SLC24A4: variants seen among roughly 807,000 people sequenced by gnomAD.
SLC24A4 encodes sodium/potassium/calcium exchanger 4.
Under a neutral mutation model 79.0 loss-of-function variants are expected in SLC24A4, and 53 were observed. The ratio of observed to expected loss-of-function variants is 0.67; its 90% CI spans 0.54 to 0.84. The LOEUF (loss-of-function observed/expected upper bound fraction) is 0.84. Ranked by LOEUF, SLC24A4 falls within the 40% of genes least tolerant of loss-of-function variation. The pLI is 0.00. For missense variants in SLC24A4, 731 were observed against 822.0 expected, an observed-to-expected ratio of 0.89 and a Z score of 1.35; for synonymous variants, 323 against 323.8, an observed-to-expected ratio of 1.00 and a Z score of 0.03.
chr14:92,382,991 A>G (rs1423430679), intron 2 of SLC24A4, among the ~76,000 whole-genome samples: 1 of 152,186 alleles, frequency 6.6e-6, no homozygotes, highest in African/African-American at 2.4e-5. Context: ...TTGGCTAGCT[A>G]GTATCTCTCA....
chr14:92,342,891 G>A (rs1886248216), intron 2 of SLC24A4, among the ~76,000 whole-genome samples: 2 of 152,212 alleles, frequency 1.3e-5, no homozygotes, highest in South Asian at 4.1e-4. Flanking sequence ...GTAAAAATCT[G>A]TCATAAAGAG....
intron 2 of SLC24A4, among the ~76,000 whole-genome samples, chr14:92,351,902 G>GAAGGA (rs1290664300): frequency 2.4e-4 from 31 of 131,242 alleles, no homozygotes; most frequent in South Asian, 5.6e-4. Context: ...GGAAGGAAAG[G>GAAGGA]AAGGAAGGAA....
In SLC24A4 at chr14:92,373,171, T is replaced by TACACACAC. The variant is rs66513416; in HGVS notation, c.241+47208_241+47215dup. Reference sequence around the variant, plus strand: ...CCCACCACCATGCCCAGCTAATTTATACACACACACACACACACACACGCA... The same window carrying TACACACAC: ...CCCACCACCATGCCCAGCTAATTTATACACACACACACACACACACACACACACACGCA... On this transcript the variant is annotated intron_variant, in intron 2 of 16. Coordinates refer to ENST00000532405, the MANE Select transcript of SLC24A4 (RefSeq NM_153646.4). Among the ~76,000 whole-genome samples the TACACACAC allele has an allele frequency of 3.8e-3, 539 of 143,074 alleles. 1 individual carries two copies. The highest frequency in any genetic ancestry group is 6.9e-3 in the Middle Eastern group (2 of 288). 93.9% of individuals were successfully genotyped at this position (143,074 alleles called of 152,430 possible).
chr14:92,392,868 G>C (rs1311851683), intron 2 of SLC24A4, among the ~76,000 whole-genome samples: 1 of 152,174 alleles, frequency 6.6e-6, no homozygotes, highest in Non-Finnish European at 1.5e-5. Context: ...CGCCATCTAT[G>C]AGGAACACCT....
chr14:92,331,827 T>C (rs984051148), intron 2 of SLC24A4, among the ~76,000 whole-genome samples: 1 of 152,214 alleles, frequency 6.6e-6, no homozygotes, highest in Non-Finnish European at 1.5e-5. Context: ...CCTCTCAATG[T>C]GAAGATCATG....
intron 2 of SLC24A4, among the ~76,000 whole-genome samples, chr14:92,414,268 C>T (rs943348255): frequency 1.3e-5 from 2 of 152,134 alleles, no homozygotes; most frequent in African/African-American, 2.4e-5. Context: ...GCACCCCTCC[C>T]CCGGTTGTGA....
At chr14:92,389,749 T>C (rs1889363502) in intron 2 of SLC24A4, among the ~76,000 whole-genome samples, 1 of 152,210 alleles carries the variant, frequency 6.6e-6, no homozygotes, top group African/African-American at 2.4e-5. Context: ...CCACCCTTTC[T>C]GTCTCCCCAG....
intron 2 of SLC24A4, among the ~76,000 whole-genome samples, chr14:92,368,278 C>T (rs1468807868): frequency 1.3e-5 from 2 of 152,230 alleles, no homozygotes; most frequent in Non-Finnish European, 2.9e-5. Context: ...AAAAAATCAT[C>T]ACAGCTACGT....
chr14:92,477,121 G>A (rs1356296420), intron 12 of SLC24A4, among the ~76,000 whole-genome samples: 2 of 152,162 alleles, frequency 1.3e-5, no homozygotes, highest in Admixed American at 1.3e-4. Context: ...GTTTTCCAAA[G>A]CAGGTGTACC....
intron 2 of SLC24A4, among the ~76,000 whole-genome samples, chr14:92,373,319 C>A (rs146580115): frequency 1.6e-3 from 242 of 152,262 alleles, no homozygotes; most frequent in African/African-American, 5.5e-3. Flanking sequence ...GCTGGGATTA[C>A]AGGCGTGAGC....
chr14:92,415,078 G>A (rs1030345479), intron 2 of SLC24A4, among the ~76,000 whole-genome samples: 1 of 152,182 alleles, frequency 6.6e-6, no homozygotes, highest in Non-Finnish European at 1.5e-5. Flanking sequence ...GGTTCACCTC[G>A]TGCTGGCAGG....
In SLC24A4 at chr14:92,340,788, CAT is replaced by C. The variant is rs1886098291; in HGVS notation, c.241+14811_241+14812del. Reference sequence around the variant, plus strand: ...TGCGCTCCCTCCACACATGGCCTCACATGTCAGGACACCCAGTTTATTACATT... The same window carrying C: ...TGCGCTCCCTCCACACATGGCCTCACGTCAGGACACCCAGTTTATTACATT... On this transcript the variant is annotated intron_variant, in intron 2 of 16. Transcript: ENST00000532405. Among the ~76,000 whole-genome samples, 7 of 152,278 alleles carry C rather than the reference CAT, an allele frequency of 4.6e-5. No individual in the cohort carries two copies. The South Asian group carries it at 1.5e-3, about 32-fold the overall frequency.
chr14:92,469,726 G>T (rs12882202), intron 12 of SLC24A4, among the ~76,000 whole-genome samples: 102,528 of 152,042 alleles, frequency 0.67, 35,692 homozygotes, highest in Non-Finnish European at 0.76. Flanking sequence ...TAGAATATTA[G>T]TCAGCCCTAA....
intron 2 of SLC24A4, among the ~76,000 whole-genome samples, chr14:92,383,524 G>C (rs1888968544): frequency 6.6e-6 from 1 of 152,164 alleles, no homozygotes; most frequent in Non-Finnish European, 1.5e-5. Context: ...AATATTGCCT[G>C]TCTGCACACC....
At chr14:92,428,578 C>T (rs1891693275) in intron 2 of SLC24A4, among the ~76,000 whole-genome samples, 1 of 152,178 alleles carries the variant, frequency 6.6e-6, no homozygotes, top group Admixed American at 6.5e-5. Flanking sequence ...GCAATGAGGG[C>T]AAGTTGAAGG....
At chr14:92,352,984 G>C (rs549444266) in intron 2 of SLC24A4, among the ~76,000 whole-genome samples, 1 of 152,296 alleles carries the variant, frequency 6.6e-6, no homozygotes, top group African/African-American at 2.4e-5. Context: ...TCAGTACGGG[G>C]CATTTAAAAA....
intron 2 of SLC24A4, among the ~76,000 whole-genome samples, chr14:92,350,274 A>G (rs1886795672): frequency 6.6e-6 from 1 of 152,204 alleles, no homozygotes; most frequent in Admixed American, 6.5e-5. Context: ...GTTATAAAGA[A>G]AGTAAGTAGC....
At chr14:92,451,088 A>G (rs1181847381) in intron 10 of SLC24A4, 2 of 152,222 alleles carry the variant, frequency 1.3e-5, no homozygotes, top group East Asian at 3.8e-4. Context: ...GCCCCCAAGC[A>G]CTGGGGAAGG....
intron 2 of SLC24A4, among the ~76,000 whole-genome samples, chr14:92,363,572 C>CT (rs751416795): frequency 2.4e-4 from 36 of 152,242 alleles, no homozygotes; most frequent in Non-Finnish European, 4.4e-4. Flanking sequence ...AGGCTCACGC[C>CT]TGTAATCCCA....
Sources: gnomAD v4.1 joint callset for allele counts (sites outside exome capture counted in the v4.1 genomes callset) on GRCh38, gnomAD v4.1.1 for gene constraint, MANE v1.5 for transcripts, NCBI Gene and HGNC (gene_info 2026-07-23, HGNC 2026-07-21) for gene names.